PLEKHA5: variants seen among roughly 807,000 people sequenced by gnomAD.
The protein encoded by PLEKHA5 is pleckstrin homology domain-containing family A member 5.
PLEKHA5 carries 55 observed loss-of-function variants against 181.9 expected under a neutral mutation model. That is an observed-to-expected ratio of 0.30 (90% CI 0.24 to 0.38). PLEKHA5 has a LOEUF of 0.38. PLEKHA5 is among the 10% of genes least tolerant of loss of function. PLEKHA5 has a pLI of 1.00. For synonymous variants in PLEKHA5, 535 were observed against 529.4 expected (o/e 1.01, Z -0.15); for missense variants, 1,432 against 1,549.5 (o/e 0.92, Z 1.27).
At chr12:19,187,823 A>G (rs966811244) in intron 3 of PLEKHA5, among the ~76,000 whole-genome samples, 2 of 152,238 alleles carry the variant, frequency 1.3e-5, no homozygotes, top group African/African-American at 4.8e-5. Context: ...ACATATTTTT[A>G]TGAAAATGAA....
At chr12:19,230,307 A>G (rs2060307189) in intron 3 of PLEKHA5, among the ~76,000 whole-genome samples, 1 of 152,210 alleles carries the variant, frequency 6.6e-6, no homozygotes, top group Non-Finnish European at 1.5e-5. Flanking sequence ...CACCTAGTGG[A>G]TCCCGCACTG....
At chr12:19,248,589 A>G (rs2064390822) in intron 3 of PLEKHA5, among the ~76,000 whole-genome samples, 1 of 152,138 alleles carries the variant, frequency 6.6e-6, no homozygotes, top group African/African-American at 2.4e-5. Flanking sequence ...AACATGCGTT[A>G]CCTGTTTTTA....
intron 31 of PLEKHA5, among the ~76,000 whole-genome samples, chr12:19,374,400 C>G (rs1323605375): frequency 6.6e-6 from 1 of 152,178 alleles, no homozygotes; most frequent in Non-Finnish European, 1.5e-5. Context: ...TGGCTCACGG[C>G]TGTAATCCCA....
chr12:19,133,658 C>CT (rs1444667141), intron 3 of PLEKHA5, among the ~76,000 whole-genome samples: 4 of 151,798 alleles, frequency 2.6e-5, no homozygotes, highest in Non-Finnish European at 4.4e-5. Context: ...ACGTCAAGGG[C>CT]TTTTTTATAA....
At chr12:19,313,730 AACTG>A (rs1231660810) in intron 15 of PLEKHA5, among the ~76,000 whole-genome samples, 1 of 152,176 alleles carries the variant, frequency 6.6e-6, no homozygotes, top group Admixed American at 6.5e-5. Context: ...ATTATCACTT[AACTG>A]ACTAAAAAGT....
At chr12:19,169,678 A>G (rs1349472369) in intron 3 of PLEKHA5, among the ~76,000 whole-genome samples, 4 of 152,210 alleles carry the variant, frequency 2.6e-5, no homozygotes, top group African/African-American at 9.7e-5. Flanking sequence ...GTATGTGTTG[A>G]TTCAATTAAG....
At chr12:19,317,350 C>T (rs958495261) in intron 16 of PLEKHA5, among the ~76,000 whole-genome samples, 4 of 151,470 alleles carry the variant, frequency 2.6e-5, no homozygotes, top group African/African-American at 4.8e-5. Context: ...GAATGAGATA[C>T]TATCTCTTTT....
intron 15 of PLEKHA5, chr12:19,307,557 A>T (rs1348432679): frequency 3.1e-6 from 1 of 325,338 alleles, no homozygotes; most frequent in Non-Finnish European, 6.2e-6. Context: ...GAAAGAAAAA[A>T]GAAGGCATTC....
At chr12:19,291,094 G>A (rs1414694566) in intron 14 of PLEKHA5, among the ~76,000 whole-genome samples, 1 of 152,106 alleles carries the variant, frequency 6.6e-6, no homozygotes, top group East Asian at 1.9e-4. Flanking sequence ...ACTTCATGTT[G>A]TTACTCACTG....
At chr12:19,226,253 T>C (rs2059672178) in intron 3 of PLEKHA5, among the ~76,000 whole-genome samples, 1 of 152,212 alleles carries the variant, frequency 6.6e-6, no homozygotes, top group Admixed American at 6.5e-5. Context: ...ATTCATGTTG[T>C]AGCATGTATC....
chr12:19,263,880 G>A (rs2069391422), intron 7 of PLEKHA5, among the ~76,000 whole-genome samples: 2 of 152,164 alleles, frequency 1.3e-5, no homozygotes, highest in African/African-American at 2.4e-5. Flanking sequence ...ACCCCATAGA[G>A]AGTTCTTTCA....
intron 15 of PLEKHA5, among the ~76,000 whole-genome samples, chr12:19,308,753 A>C (rs1161963696): frequency 6.6e-6 from 1 of 152,138 alleles, no homozygotes; most frequent in African/African-American, 2.4e-5. Flanking sequence ...TGAGCATTTG[A>C]AATGATAATC....
intron 3 of PLEKHA5, among the ~76,000 whole-genome samples, chr12:19,247,782 G>A (rs1415325111): frequency 6.6e-6 from 1 of 151,550 alleles, no homozygotes; most frequent in Non-Finnish European, 1.5e-5. Flanking sequence ...GGGGGTGAGG[G>A]CATTCGTTCA....
intron 21 of PLEKHA5, among the ~76,000 whole-genome samples, chr12:19,339,729 T>C (rs1391142105): frequency 2.0e-5 from 3 of 152,162 alleles, no homozygotes; most frequent in African/African-American, 7.2e-5. Flanking sequence ...ACTCTATGAA[T>C]GGTAACATTG....
rs2067182315 is a variant in PLEKHA5 at position 19,257,534 on chromosome 12, A to G, written c.534A>G (p.Lys178=). ...APVVRRGWLY[K]QDSTGMKLWK... ...TTGTCAGACGAGGTTGGCTTTATAA[A>G]CAGGTATTTTTTTTTTTTTGATATG... The change falls in exon 6 of 32, where the codon AAA becomes AAG. Residue 178 remains lysine, a synonymous_variant. Coordinates refer to ENST00000429027, the MANE Select transcript of PLEKHA5 (RefSeq NM_001256470.2). The G allele has an allele frequency of 2.0e-6, 3 of 1,537,830 alleles. No homozygotes were observed. Among genetic ancestry groups the G allele is most frequent in the Non-Finnish European group, 2.7e-6 (3 of 1,128,022 alleles).
intron 16 of PLEKHA5, 28 bp from the exon 17 acceptor site, chr12:19,319,993 C>G (rs1412741326): frequency 7.4e-7 from 1 of 1,344,346 alleles, no homozygotes; most frequent in Non-Finnish European, 1.0e-6. Context: ...TTCAATTAAA[C>G]CCATCCTTTT....
At chr12:19,162,997 G>T (rs547216475) in intron 3 of PLEKHA5, among the ~76,000 whole-genome samples, 1 of 152,076 alleles carries the variant, frequency 6.6e-6, no homozygotes, top group Non-Finnish European at 1.5e-5. Flanking sequence ...TGCCTTTTAA[G>T]TGTTAAGAAA....
chr12:19,282,546 GT>G (rs1175293127), intron 11 of PLEKHA5, among the ~76,000 whole-genome samples: 1 of 152,110 alleles, frequency 6.6e-6, no homozygotes, highest in Non-Finnish European at 1.5e-5. Context: ...ACATATACTT[GT>G]AGTAATTTAT....
intron 3 of PLEKHA5, among the ~76,000 whole-genome samples, chr12:19,179,767 A>G (rs2048132355): frequency 6.6e-6 from 1 of 152,256 alleles, no homozygotes; most frequent in Non-Finnish European, 1.5e-5. Context: ...CAGTAATTAC[A>G]GGTGAGTTAA....
Sources: allele counts gnomAD v4.1 joint callset (sites outside exome capture counted in the v4.1 genomes callset), GRCh38; gene constraint gnomAD v4.1.1; transcripts MANE v1.5; gene names NCBI Gene and HGNC (gene_info 2026-07-23, HGNC 2026-07-21).